RAPGEF4: variants seen among roughly 807,000 people sequenced by gnomAD.
RAPGEF4 encodes the protein RAP guanine-nucleotide-exchange factor (GEF) 4.
Under a neutral mutation model 147.9 loss-of-function variants are expected in RAPGEF4, and 66 were observed. The observed-to-expected ratio is 0.45, with a 90% confidence interval of 0.37 to 0.55. The LOEUF (loss-of-function observed/expected upper bound fraction) is 0.55. Ranked by LOEUF, RAPGEF4 falls within the 20% of genes least tolerant of loss-of-function variation. The probability of loss-of-function intolerance (pLI) is 0.00; values close to 1 mark genes in which losing one functional copy is unlikely to be tolerated. For missense variants in RAPGEF4, 1,071 were observed against 1,257.3 expected, an observed-to-expected ratio of 0.85 and a Z score of 2.24; for synonymous variants, 419 against 442.7, an observed-to-expected ratio of 0.95 and a Z score of 0.67.
intron 1 of RAPGEF4, among the ~76,000 whole-genome samples, chr2:172,783,137 G>T (rs1684835526): frequency 6.6e-6 from 1 of 152,184 alleles, no homozygotes; most frequent in Admixed American, 6.5e-5. Context: ...GCCTGGTCTG[G>T]CCCTCTGCCT....
At chr2:173,000,844 C>T (rs2105798859) in intron 16 of RAPGEF4, among the ~76,000 whole-genome samples, 1 of 147,462 alleles carries the variant, frequency 6.8e-6, no homozygotes, top group African/African-American at 2.5e-5. Context: ...TCCTACCTTT[C>T]ATTGCTTCTT....
At chr2:172,859,133 A>T (rs1232025492) in intron 4 of RAPGEF4, among the ~76,000 whole-genome samples, 1 of 152,244 alleles carries the variant, frequency 6.6e-6, no homozygotes, top group Non-Finnish European at 1.5e-5. Context: ...AAAATTATGA[A>T]AATGATCATG....
intron 1 of RAPGEF4, among the ~76,000 whole-genome samples, chr2:172,751,357 A>G (rs1420638017): frequency 6.6e-6 from 1 of 152,200 alleles, no homozygotes; most frequent in Non-Finnish European, 1.5e-5. Context: ...CAGTCTTCAA[A>G]AAACGATTTA....
intron 4 of RAPGEF4, among the ~76,000 whole-genome samples, chr2:172,879,255 G>T (rs1456953927): frequency 6.6e-6 from 1 of 152,126 alleles, no homozygotes; most frequent in African/African-American, 2.4e-5. Flanking sequence ...TATATATACT[G>T]TTATGGAAAT....
At chr2:172,923,748 T>C (rs1049422021) in intron 6 of RAPGEF4, among the ~76,000 whole-genome samples, 2 of 152,208 alleles carry the variant, frequency 1.3e-5, no homozygotes, top group African/African-American at 4.8e-5. Context: ...TTATGAATAT[T>C]GAATGAGATA....
intron 2 of RAPGEF4, among the ~76,000 whole-genome samples, chr2:172,796,149 G>A (rs920242719): frequency 7.2e-5 from 11 of 152,080 alleles, no homozygotes; most frequent in Admixed American, 2.0e-4. Context: ...ATAGATGAGG[G>A]TGGAAACTTG....
At chr2:172,757,269 T>C (rs1695867408) in intron 1 of RAPGEF4, among the ~76,000 whole-genome samples, 1 of 152,272 alleles carries the variant, frequency 6.6e-6, no homozygotes, top group African/African-American at 2.4e-5. Flanking sequence ...TCTGGTAGAA[T>C]ATTTAATGTG....
chr2:172,833,764 A>G (rs17756703), intron 4 of RAPGEF4, among the ~76,000 whole-genome samples: 2,272 of 152,244 alleles, frequency 0.015, 17 homozygotes, highest in South Asian at 0.034. Context: ...CTGAAGAAGC[A>G]TTTCCTTTAT....
At chr2:172,797,200 A>G (rs1002160890) in intron 2 of RAPGEF4, among the ~76,000 whole-genome samples, 3 of 152,260 alleles carry the variant, frequency 2.0e-5, no homozygotes, top group Non-Finnish European at 4.4e-5. Flanking sequence ...TGCTTTTAAT[A>G]TAGTCTTGGG....
chr2:172,742,064 C>T (rs945776773), intron 1 of RAPGEF4, among the ~76,000 whole-genome samples: 1 of 152,158 alleles, frequency 6.6e-6, no homozygotes, highest in Non-Finnish European at 1.5e-5. Context: ...TCCCCACTCC[C>T]CCCAGGATTA....
chr2:172,808,930 G>A (rs1256542716), intron 3 of RAPGEF4, among the ~76,000 whole-genome samples: 1 of 152,214 alleles, frequency 6.6e-6, no homozygotes, highest in Non-Finnish European at 1.5e-5. Context: ...TCCAGCATGG[G>A]CGGCTTCATC....
At chr2:172,934,191 C>T (rs1686290948) in intron 6 of RAPGEF4, among the ~76,000 whole-genome samples, 1 of 143,854 alleles carries the variant, frequency 7.0e-6, no homozygotes, top group South Asian at 2.3e-4. Context: ...GCTCTGTCAC[C>T]CAGGCTGGAG....
chr2:173,040,148 A>T (rs1172681947), intron 29 of RAPGEF4, among the ~76,000 whole-genome samples: 1 of 151,554 alleles, frequency 6.6e-6, no homozygotes, highest in East Asian at 1.9e-4. Flanking sequence ...AGATCACACC[A>T]CTGCACTCCA....
At chr2:172,804,426 A>G (rs1687279497) in intron 3 of RAPGEF4, among the ~76,000 whole-genome samples, 2 of 152,198 alleles carry the variant, frequency 1.3e-5, no homozygotes, top group African/African-American at 2.4e-5. Context: ...TGTAGTAGTA[A>G]CTGTTCATTT....
At chr2:172,860,235 T>C in intron 4 of RAPGEF4, 6 of 985,288 alleles carry the variant, frequency 6.1e-6, no homozygotes, top group Non-Finnish European at 7.2e-6. Flanking sequence ...AGAACATGGA[T>C]TTAAAAAAAA....
chr2:172,770,091 T>C lies in RAPGEF4; in HGVS notation c.66-24934T>C, dbSNP rs545038516. On this transcript the variant is annotated intron_variant, in intron 1 of 30. Coordinates refer to ENST00000397081, the MANE Select transcript of RAPGEF4 (RefSeq NM_007023.4). ...GTGGTGTATGCATGCATACCCACTT[T>C]TGTTTGTTGACAGAGTATGCTAAAC... 2.0e-5 allele frequency among the ~76,000 whole-genome samples: 3 copies of C among 152,322 alleles called. No homozygotes were observed. The East Asian group carries it at 5.8e-4, about 29-fold the overall frequency.
In RAPGEF4 at chr2:172,870,079, G is replaced by C. The variant is rs571841144; in HGVS notation, c.445-47723G>C. Among the ~76,000 whole-genome samples the C allele has an allele frequency of 3.3e-5, 5 of 152,220 alleles. No homozygotes were observed. The South Asian group carries it at 6.2e-4, about 19-fold the overall frequency. Reference sequence around the variant, plus strand: ...CATCTCCTCATTCCCGAGTCCCGCTGCCTTCCTATTAACTCACTTCCCTCT... The same window carrying C: ...CATCTCCTCATTCCCGAGTCCCGCTCCCTTCCTATTAACTCACTTCCCTCT... On this transcript the variant is annotated intron_variant, in intron 4 of 30. Transcript: ENST00000397081.
intron 1 of RAPGEF4, among the ~76,000 whole-genome samples, chr2:172,739,151 T>C (rs190816246): frequency 5.1e-4 from 78 of 152,210 alleles, no homozygotes; most frequent in African/African-American, 1.6e-3. Flanking sequence ...AGACAGGACA[T>C]TGAACATTTG....
chr2:173,016,286 C>A, intron 18 of RAPGEF4, 63 bp from the exon 19 acceptor site: 1 of 1,191,120 alleles, frequency 8.4e-7, no homozygotes, highest in Non-Finnish European at 1.3e-6. Context: ...CTTTATTGCT[C>A]TTGACAGAAT....
Sources: allele counts gnomAD v4.1 joint callset (sites outside exome capture counted in the v4.1 genomes callset), GRCh38; gene constraint gnomAD v4.1.1; transcripts MANE v1.5; gene names NCBI Gene and HGNC (gene_info 2026-07-23, HGNC 2026-07-21).